KIAA1328: variants seen among roughly 807,000 people sequenced by gnomAD.
KIAA1328 encodes KIAA1328, also known as protein hinderin.
Under a neutral mutation model 68.1 loss-of-function variants are expected in KIAA1328, and 52 were observed. The ratio of observed to expected loss-of-function variants is 0.76; its 90% CI spans 0.61 to 0.96. The LOEUF (loss-of-function observed/expected upper bound fraction) is 0.96, where lower values mean the gene tolerates loss of function less well. Among genes scored for constraint, KIAA1328 ranks in the 40% least tolerant of loss-of-function variants. The pLI is 0.00. For missense variants in KIAA1328, 641 were observed against 677.6 expected, an observed-to-expected ratio of 0.95 and a Z score of 0.60; for synonymous variants, 232 against 239.4, an observed-to-expected ratio of 0.97 and a Z score of 0.28.
chr18:36,937,952 T>A (rs2050567548), intron 5 of KIAA1328, among the ~76,000 whole-genome samples: 1 of 152,170 alleles, frequency 6.6e-6, no homozygotes, highest in South Asian at 2.1e-4. Context: ...CATTCTTTTT[T>A]ATGGGTGATC....
intron 6 of KIAA1328, among the ~76,000 whole-genome samples, chr18:36,961,945 G>T (rs1368487731): frequency 6.6e-6 from 1 of 152,182 alleles, no homozygotes; most frequent in African/African-American, 2.4e-5. Context: ...ATAATGACAG[G>T]ATCAAATTCC....
chr18:37,096,259 G>A (rs1056460057), intron 7 of KIAA1328, among the ~76,000 whole-genome samples: 1 of 152,096 alleles, frequency 6.6e-6, no homozygotes, highest in African/African-American at 2.4e-5. Context: ...CCCGCTGTGT[G>A]ATGTTCCCCT....
chr18:37,185,419 A>G (rs1363693260), intron 9 of KIAA1328, among the ~76,000 whole-genome samples: 1 of 152,184 alleles, frequency 6.6e-6, no homozygotes, highest in African/African-American at 2.4e-5. Context: ...AAAGACATAG[A>G]AAAAAAGATA....
At chr18:36,877,416 T>C (rs2048166010) in intron 4 of KIAA1328, among the ~76,000 whole-genome samples, 1 of 152,138 alleles carries the variant, frequency 6.6e-6, no homozygotes, top group South Asian at 2.1e-4. Context: ...CCCTTTACCA[T>C]TATGTAATGC....
chr18:36,857,030 ATG>A (rs1451965046), intron 4 of KIAA1328, among the ~76,000 whole-genome samples: 26 of 152,132 alleles, frequency 1.7e-4, no homozygotes, highest in Admixed American at 1.7e-3. Flanking sequence ...CTCTAATCTG[ATG>A]TATTCCTTCA....
At chr18:36,976,991 G>C (rs1012150316) in intron 6 of KIAA1328, among the ~76,000 whole-genome samples, 2 of 152,150 alleles carry the variant, frequency 1.3e-5, no homozygotes, top group Non-Finnish European at 2.9e-5. Flanking sequence ...ACCCCCTACA[G>C]TGTGGTATCT....
At chr18:36,910,599 A>C (rs999788860) in intron 5 of KIAA1328, among the ~76,000 whole-genome samples, 3 of 152,158 alleles carry the variant, frequency 2.0e-5, no homozygotes, top group Non-Finnish European at 4.4e-5. Flanking sequence ...TGTCTTGGCA[A>C]TGTGGGCTCT....
chr18:36,942,844 A>C (rs1043601458), intron 5 of KIAA1328, among the ~76,000 whole-genome samples: 3 of 152,208 alleles, frequency 2.0e-5, no homozygotes, highest in African/African-American at 7.2e-5. Flanking sequence ...TGCTTAATAA[A>C]AGGGAGATTT....
chr18:37,039,679 G>A (rs1374623172), intron 6 of KIAA1328, among the ~76,000 whole-genome samples: 1 of 152,104 alleles, frequency 6.6e-6, no homozygotes, highest in Non-Finnish European at 1.5e-5. Flanking sequence ...CCAGAGTGCT[G>A]GGATTACAGG....
chr18:37,201,503 C>A (rs2060113879), intron 9 of KIAA1328, among the ~76,000 whole-genome samples: 1 of 151,956 alleles, frequency 6.6e-6, no homozygotes, highest in Non-Finnish European at 1.5e-5. Flanking sequence ...CCCTTTTTTA[C>A]CAAAGAGAAG....
chr18:36,983,129 AT>A (rs1318959880), intron 6 of KIAA1328, among the ~76,000 whole-genome samples: 1 of 152,102 alleles, frequency 6.6e-6, no homozygotes, highest in Non-Finnish European at 1.5e-5. Flanking sequence ...AAATAATCAC[AT>A]TATTTTTCAG....
downstream of KIAA1328, among the ~76,000 whole-genome samples, chr18:37,226,364 CTT>C (rs2060637279): frequency 6.6e-6 from 1 of 151,740 alleles, no homozygotes; most frequent in Admixed American, 6.6e-5. Flanking sequence ...GTTCAGTAGT[CTT>C]TAGTATATTC....
chr18:37,067,835 G>A (rs1431834845), intron 7 of KIAA1328, among the ~76,000 whole-genome samples: 11 of 152,092 alleles, frequency 7.2e-5, no homozygotes, highest in Admixed American at 1.3e-4. Flanking sequence ...TGAGATTACA[G>A]GCATGAGCTA....
chr18:37,064,242 A>G (rs1011543094), intron 6 of KIAA1328, among the ~76,000 whole-genome samples: 2 of 152,160 alleles, frequency 1.3e-5, no homozygotes, highest in African/African-American at 4.8e-5. Flanking sequence ...TTAAATAGAA[A>G]TCCTTTAGCA....
At chr18:37,040,762 T>C (rs1182492990) in intron 6 of KIAA1328, among the ~76,000 whole-genome samples, 1 of 151,848 alleles carries the variant, frequency 6.6e-6, no homozygotes, top group Non-Finnish European at 1.5e-5. Flanking sequence ...TTTTTATTTT[T>C]ACTCAGTGAA....
intron 7 of KIAA1328, among the ~76,000 whole-genome samples, chr18:37,132,487 T>TC (rs1484498810): frequency 6.6e-6 from 1 of 152,192 alleles, no homozygotes; most frequent in African/African-American, 2.4e-5. Flanking sequence ...GAGGTTTACG[T>TC]CCATCTATTG....
chr18:37,071,057 CTTTTTTTT>C (rs58722044), intron 7 of KIAA1328, among the ~76,000 whole-genome samples: 1 of 86,846 alleles, frequency 1.2e-5, no homozygotes, highest in African/African-American at 4.6e-5. Context: ...TTTTTTCTTC[CTTTTTTTT>C]TTTTTTTTTT....
At chr18:37,069,579 T>C (rs893786676) in intron 7 of KIAA1328, among the ~76,000 whole-genome samples, 6 of 152,206 alleles carry the variant, frequency 3.9e-5, no homozygotes, top group African/African-American at 1.4e-4. Context: ...GAAGAGATTG[T>C]GTAGAATTGG....
intron 8 of KIAA1328, among the ~76,000 whole-genome samples, chr18:37,169,098 G>A (rs896409754): frequency 1.3e-5 from 2 of 151,572 alleles, no homozygotes; most frequent in African/African-American, 4.8e-5. Context: ...ACACATTTAT[G>A]TATGAAATCA....
Sources: allele counts gnomAD v4.1 joint callset (sites outside exome capture counted in the v4.1 genomes callset), GRCh38; gene constraint gnomAD v4.1.1; transcripts MANE v1.5; gene names NCBI Gene and HGNC (gene_info 2026-07-23, HGNC 2026-07-21).